The following CACNA1H variants were observed in gnomAD, a reference collection of about 807,000 sequenced individuals.
The protein encoded by CACNA1H is calcium voltage-gated channel subunit alpha1 H, also known as voltage-dependent T-type calcium channel subunit alpha-1H.
A neutral mutation model predicts 192.5 loss-of-function variants in CACNA1H; 149 were observed. That is an observed-to-expected ratio of 0.77 (90% confidence interval 0.68 to 0.89). CACNA1H has a LOEUF of 0.89. Ranked by LOEUF, CACNA1H falls within the 40% of genes least tolerant of loss-of-function variation. The pLI is 0.00. For synonymous variants in CACNA1H, 2,202 were observed against 1,475.2 expected (o/e 1.49, Z -11.29); for missense variants, 4,257 against 3,423.5 (o/e 1.24, Z -6.08).
chr16:1,203,349 G>A (rs1968228332), intron 9 of CACNA1H, among the ~76,000 whole-genome samples: 2 of 152,202 alleles, frequency 1.3e-5, no homozygotes, highest in Non-Finnish European at 2.9e-5. Context: ...GAATCCCGTA[G>A]CTAACTTCGC....
intron 6 of CACNA1H, among the ~76,000 whole-genome samples, chr16:1,199,885 G>C (rs1044265188): frequency 3.9e-5 from 6 of 152,016 alleles, no homozygotes; most frequent in Non-Finnish European, 5.9e-5. Context: ...AGTTGCTGAG[G>C]TCTGAGCCTG....
Position 1,153,785 on chromosome 16 carries a change from C to T in CACNA1H, c.48C>T (p.Gly16=), listed in dbSNP as rs1450404169. The T allele has an allele frequency of 2.4e-6, 3 of 1,228,226 alleles. No individual in the cohort carries two copies. The highest frequency in any genetic ancestry group is 3.2e-5 in the African/African-American group (2 of 63,364). The allele number at this position is 1,228,226 out of a possible 1,614,324, so 76.1% of individuals were successfully genotyped here. Residue 16 remains glycine (G), a synonymous_variant, in exon 2 of 35, where the codon GGC becomes GGT. Transcript: ENST00000348261. ...RAADEVRVPL[G]APPPGPAALV... ...CCGACGAGGTCCGGGTGCCCCTGGG[C>T]GCGCCGCCCCCTGGCCCTGCGGCGT...
At position 1,216,947 on chromosome 16, in the gene CACNA1H, C is replaced by T. The variant is rs369220355; in HGVS notation, c.5260C>T (p.Leu1754Phe). 17 of 1,603,972 alleles carry T rather than the reference C, an allele frequency of 1.1e-5. No homozygotes were observed. The highest frequency in any genetic ancestry group is 6.7e-5 in the African/African-American group (5 of 74,824). The part of the protein sequence containing the change: ...QALPQVGNLG[L>F]LFMLLFFIYA... ...TCTTGTGTAGGTGGGGAACCTGGGC[C>T]TTCTTTTCATGCTCCTGTTTTTTAT... Residue 1754 changes from leucine (L) to phenylalanine (F), a missense_variant, in exon 31 of 35, where the codon CTT becomes TTT. Coordinates refer to ENST00000348261, the MANE Select transcript of CACNA1H (RefSeq NM_021098.3).
chr16:1,173,466 C>A (rs183222804), intron 2 of CACNA1H, among the ~76,000 whole-genome samples: 1 of 152,246 alleles, frequency 6.6e-6, no homozygotes, highest in African/African-American at 2.4e-5. Context: ...CTCTCTCTCG[C>A]TATTTACTTT....
At position 1,220,548 on chromosome 16, in the gene CACNA1H, C is replaced by A. The variant is rs766882403; in HGVS notation, c.6616C>A (p.Pro2206Thr). 6.5e-7 allele frequency: 1 copy of A among 1,531,218 alleles called. No individual in the cohort carries two copies. Among genetic ancestry groups the A allele is most frequent in the Non-Finnish European group, 8.7e-7 (1 of 1,145,962 alleles). The allele number at this position is 1,531,218 out of a possible 1,614,324, so 94.9% of individuals were successfully genotyped here. A position where few individuals can be genotyped will look rare whatever the true frequency, so the allele number is the denominator to read the frequency against. ...TGCGGAGGACGAGGGCTCTGCGCGG[C>A]CCTCCGCGGCAGAGGGCGGCAGCAC... is the stretch of plus-strand genomic sequence containing the variant. ...PPAEDEGSAR[P>T]SAAEGGSTTL... The change falls in exon 35 of 35, where the codon CCC becomes ACC. Residue 2206 changes from proline (P) to threonine (T), a missense_variant. Pro to Thr is a conservative substitution (Grantham distance 38). Coordinates refer to ENST00000348261, the MANE Select transcript of CACNA1H (RefSeq NM_021098.3).
chr16:1,169,682 CAGGCCGCTGG>C (rs1455154596), intron 2 of CACNA1H, among the ~76,000 whole-genome samples: 1 of 152,244 alleles, frequency 6.6e-6, no homozygotes, highest in African/African-American at 2.4e-5. Context: ...GGGTCGGCCA[CAGGCCGCTGG>C]GGGCAGCTGA....
rs769117669 is a variant in CACNA1H at position 1,200,752 on chromosome 16, T to A, written c.1156T>A (p.Tyr386Asn). 6.4e-7 allele frequency: 1 copy of A among 1,558,970 alleles called. No homozygotes were observed. The highest frequency in any genetic ancestry group is 8.7e-7 in the Non-Finnish European group (1 of 1,151,444). ...TLEGWVDIMY[Y>N]VMDAHSFYNF... ...GGAAGGCTGGGTGGACATCATGTACTACGTCATGGACGCCCACTCATTCTA... is the reference window on the plus strand; with the variant it reads ...GGAAGGCTGGGTGGACATCATGTACAACGTCATGGACGCCCACTCATTCTA... The change falls in exon 8 of 35, where the codon TAC becomes AAC. Residue 386 changes from tyrosine (Y) to asparagine (N), a missense_variant. Coordinates refer to ENST00000348261, the MANE Select transcript of CACNA1H (RefSeq NM_021098.3).
intron 5 of CACNA1H, 23 bp from the exon 6 acceptor site, chr16:1,198,592 A>G: frequency 6.2e-7 from 1 of 1,611,106 alleles, no homozygotes; most frequent in Non-Finnish European, 8.5e-7. Context: ...TAGCAGTGCC[A>G]ATCCTGGCCC....
chr16:1,161,234 T>C (rs1963160028), intron 2 of CACNA1H, among the ~76,000 whole-genome samples: 1 of 152,174 alleles, frequency 6.6e-6, no homozygotes, highest in South Asian at 2.1e-4. Context: ...AGCTGTTCCT[T>C]TGTGGATGGA....
chr16:1,202,164 G>A lies in CACNA1H; in HGVS notation c.1714G>A (p.Val572Met), dbSNP rs750654433. 2.5e-5 allele frequency: 39 copies of A among 1,551,738 alleles called. No homozygotes were observed. Among genetic ancestry groups the A allele is most frequent in the Non-Finnish European group, 3.1e-5 (36 of 1,148,352 alleles). Residue 572 changes from valine (V) to methionine (M), a missense_variant, in exon 9 of 35, where the codon GTG (valine) becomes ATG (methionine). Val to Met is a conservative substitution (Grantham distance 21). Coordinates refer to ENST00000348261, the MANE Select transcript of CACNA1H (RefSeq NM_021098.3). ...CCGCGGACCCCCCGACGCAGAGTCTGTGCACAGCATCTACCATGCCGACTG... is the reference window on the plus strand; with the variant it reads ...CCGCGGACCCCCCGACGCAGAGTCTATGCACAGCATCTACCATGCCGACTG... ...PGRGPPDAES[V>M]HSIYHADCHI...
chr16:1,183,675 C>T (rs1164535660), intron 2 of CACNA1H, among the ~76,000 whole-genome samples: 11 of 152,232 alleles, frequency 7.2e-5, no homozygotes, highest in Non-Finnish European at 1.5e-4. Context: ...CCCCGGGCAC[C>T]GTCCCGTCCT....
At chr16:1,185,202 A>G (rs528878787) in intron 2 of CACNA1H, among the ~76,000 whole-genome samples, 105 of 152,184 alleles carry the variant, frequency 6.9e-4, no homozygotes, top group Non-Finnish European at 1.3e-3. Context: ...TTCATGGCTG[A>G]GTAATATTCC....
intron 2 of CACNA1H, among the ~76,000 whole-genome samples, chr16:1,194,324 C>T (rs892506181): frequency 1.3e-5 from 2 of 152,210 alleles, no homozygotes; most frequent in African/African-American, 4.8e-5. Flanking sequence ...CAAATGCCGG[C>T]TTCTACCTTA....
chr16:1,214,993 T>C lies in CACNA1H; in HGVS notation c.4951T>C (p.Tyr1651His). 1 of 1,611,228 alleles carries C rather than the reference T, an allele frequency of 6.2e-7. No individual in the cohort carries two copies. The highest frequency in any genetic ancestry group is 1.1e-5 in the South Asian group (1 of 90,468). Reference protein sequence around the residue: ...QPKSLDEALKYCNYVFTIVFV... With the variant: ...QPKSLDEALKHCNYVFTIVFV... ...CCAGTCGCTGGACGAGGCCCTCAAG[T>C]ACTGCAACTACGTCTTCACCATCGT... is the stretch of plus-strand genomic sequence containing the variant. The change falls in exon 28 of 35, where the codon TAC becomes CAC. Residue 1651 changes from tyrosine (Y) to histidine (H), a missense_variant. Physicochemically the swap from Tyr to His is moderately conservative, Grantham distance 83 (BLOSUM62 2). Coordinates refer to ENST00000348261, the MANE Select transcript of CACNA1H (RefSeq NM_021098.3).
At chr16:1,214,932 C>T in intron 27 of CACNA1H, 40 bp from the exon 28 acceptor site, 2 of 1,445,062 alleles carry the variant, frequency 1.4e-6, no homozygotes, top group Non-Finnish European at 1.9e-6. Context: ...AGAGGGGTGG[C>T]CCCAGCCCCA....
Position 1,208,122 on chromosome 16 carries a change from C to A in CACNA1H, c.3264C>A (p.Pro1088=). ...CAGCTGCCACGCCCATGCCTACCCC[C>A]AAGAGCTCACCATTCCTGGATGCAG... ...MCTAATPMPT[P]KSSPFLDAAP... Residue 1088 remains proline (P), a synonymous_variant, in exon 16 of 35, where the codon CCC becomes CCA. Transcript: ENST00000348261. 1 of 1,593,708 alleles carries A rather than the reference C, an allele frequency of 6.3e-7. No homozygotes were observed. The highest frequency in any genetic ancestry group is 8.5e-7 in the Non-Finnish European group (1 of 1,171,544).
At chr16:1,174,359 T>C (rs988969536) in intron 2 of CACNA1H, among the ~76,000 whole-genome samples, 2 of 152,130 alleles carry the variant, frequency 1.3e-5, no homozygotes, top group South Asian at 4.1e-4. Context: ...AGGTAACTAA[T>C]GTTTCACAGC....
At chr16:1,205,083 C>A in intron 10 of CACNA1H, 31 bp from the exon 11 acceptor site, 1 of 1,472,968 alleles carries the variant, frequency 6.8e-7, no homozygotes, top group Non-Finnish European at 9.3e-7. Context: ...GCGGGTGCGG[C>A]CTCCTGAACT....
At chr16:1,210,160 G>A in intron 18 of CACNA1H, 25 bp downstream of exon 18, 5 of 1,531,474 alleles carry the variant, frequency 3.3e-6, no homozygotes, top group South Asian at 1.2e-5. Context: ...TCAGGAGGCT[G>A]CATGGCTAGT....
Sources: allele counts gnomAD v4.1 joint callset (sites outside exome capture counted in the v4.1 genomes callset), GRCh38; gene constraint gnomAD v4.1.1; transcripts MANE v1.5; gene names NCBI Gene and HGNC (gene_info 2026-07-23, HGNC 2026-07-21).